Variants in SDK1 observed in about 807,000 individuals in gnomAD.
The protein encoded by SDK1 is sidekick cell adhesion molecule 1.
In SDK1, 157 loss-of-function variants were observed where a neutral mutation model predicts 245.5. That is an observed-to-expected ratio of 0.64 (90% CI 0.56 to 0.73). SDK1 has a LOEUF of 0.73. Ranked by LOEUF, SDK1 falls within the 30% of genes least tolerant of loss-of-function variation. The probability of loss-of-function intolerance (pLI) is 0.00; values close to 1 mark genes in which losing one functional copy is unlikely to be tolerated. For missense variants in SDK1, 3,583 were observed against 3,002.3 expected (o/e 1.19, Z -4.52); for synonymous variants, 1,647 against 1,278.5 (o/e 1.29, Z -6.15).
At chr7:4,106,307 CTTT>C (rs773537615) in intron 22 of SDK1, among the ~76,000 whole-genome samples, 3 of 142,280 alleles carry the variant, frequency 2.1e-5, no homozygotes, top group Non-Finnish European at 3.1e-5. Context: ...TTTTTTCTTT[CTTT>C]TTTTTTTTTT....
In SDK1 at chr7:3,799,686, C is replaced by T. The variant is rs374729120; in HGVS notation, c.714-21764C>T. ...CGCCACTGCACTCCAGCCTGGGCGA[C>T]AGAGTGAGACTCCATCTCAAAAAAA... On this transcript the variant is annotated intron_variant, in intron 4 of 44. Coordinates refer to ENST00000404826, the MANE Select transcript of SDK1 (RefSeq NM_152744.4). Among the ~76,000 whole-genome samples, 8 of 121,530 alleles carry T rather than the reference C, an allele frequency of 6.6e-5. 1 individual carries two copies. The East Asian group carries it at 7.4e-4, about 11-fold the overall frequency. The allele number at this position is 121,530 out of a possible 152,430, so 79.7% of individuals were successfully genotyped here.
chr7:3,698,031 C>T (rs999457535), intron 4 of SDK1, among the ~76,000 whole-genome samples: 1 of 152,164 alleles, frequency 6.6e-6, no homozygotes, highest in Admixed American at 6.5e-5. Flanking sequence ...CCGTTTCTCT[C>T]ATTTAGCTTG....
At chr7:4,109,876 G>T (rs1489910883) in intron 22 of SDK1, among the ~76,000 whole-genome samples, 1 of 152,178 alleles carries the variant, frequency 6.6e-6, no homozygotes, top group African/African-American at 2.4e-5. Context: ...TACTGAGCAG[G>T]GAGATGGTGT....
intron 1 of SDK1, among the ~76,000 whole-genome samples, chr7:3,492,525 A>G (rs1219304120): frequency 2.6e-5 from 4 of 152,210 alleles, no homozygotes; most frequent in African/African-American, 7.2e-5. Context: ...CAACAAAAAA[A>G]CCTGACGGAT....
At chr7:3,346,419 C>T (rs533572821) in intron 1 of SDK1, among the ~76,000 whole-genome samples, 14 of 152,278 alleles carry the variant, frequency 9.2e-5, no homozygotes, top group East Asian at 1.9e-4. Context: ...CTACAACGTA[C>T]GTATGGTCCT....
Position 4,224,653 on chromosome 7 carries a change from C to T in SDK1, c.5827+3289C>T, listed in dbSNP as rs576926156. ...TTTAGTTTATATATCTACAACCATT[C>T]TGAGAAAGTGTCCTTGAGCCAACAG... On this transcript the variant is annotated intron_variant, in intron 40 of 44. Coordinates refer to ENST00000404826, the MANE Select transcript of SDK1 (RefSeq NM_152744.4). Among the ~76,000 whole-genome samples, 46 of 152,128 alleles carry T rather than the reference C, an allele frequency of 3.0e-4. No homozygotes were observed. The South Asian group carries it at 5.4e-3, about 18-fold the overall frequency.
At chr7:3,622,667 C>T (rs1170714340) in intron 2 of SDK1, among the ~76,000 whole-genome samples, 1 of 152,110 alleles carries the variant, frequency 6.6e-6, no homozygotes, top group Non-Finnish European at 1.5e-5. Context: ...TCATTGGAAA[C>T]ACAAGAAGAC....
At chr7:3,999,987 C>T (rs748411127) in intron 14 of SDK1, among the ~76,000 whole-genome samples, 4 of 152,106 alleles carry the variant, frequency 2.6e-5, no homozygotes, top group Non-Finnish European at 5.9e-5. Context: ...GGTGTGAAAG[C>T]AAGTTTTTAG....
intron 7 of SDK1, among the ~76,000 whole-genome samples, chr7:3,956,091 C>A (rs771738481): frequency 1.3e-5 from 2 of 152,164 alleles, no homozygotes; most frequent in Non-Finnish European, 2.9e-5. Flanking sequence ...GTTTCCATCC[C>A]CTGTTTTGTT....
At chr7:3,525,347 G>A (rs1783088173) in intron 1 of SDK1, among the ~76,000 whole-genome samples, 1 of 151,972 alleles carries the variant, frequency 6.6e-6, no homozygotes, top group South Asian at 2.1e-4. Context: ...GACACAGATG[G>A]GGTAGTTTTC....
intron 4 of SDK1, among the ~76,000 whole-genome samples, chr7:3,652,938 A>T (rs1243645259): frequency 2.0e-5 from 3 of 152,190 alleles, no homozygotes; most frequent in Non-Finnish European, 4.4e-5. Flanking sequence ...AGACTGCAGG[A>T]GTCTATTGAC....
At chr7:3,844,048 G>A (rs1333553362) in intron 5 of SDK1, among the ~76,000 whole-genome samples, 1 of 152,124 alleles carries the variant, frequency 6.6e-6, no homozygotes, top group Non-Finnish European at 1.5e-5. Flanking sequence ...TCTACTCACT[G>A]CAACCTCCAC....
rs551404805 is a variant in SDK1, at chr7:4,163,197, G to A, written c.4800+1341G>A. On this transcript the variant is annotated intron_variant, in intron 32 of 44. Transcript: ENST00000404826. ...GTGGGATGGGGCCAGCATGGGGTGG[G>A]TACGGCATGAGGACAGGTCAGCCTG... Among the ~76,000 whole-genome samples the A allele has an allele frequency of 5.3e-5, 8 of 152,230 alleles. No homozygotes were observed. In the East Asian group the frequency reaches 1.2e-3, roughly 22 times the overall value.
chr7:4,265,061 C>G (rs920699908), intron 44 of SDK1, 63 bp from the exon 45 acceptor site: 1 of 1,496,844 alleles, frequency 6.7e-7, no homozygotes, highest in Non-Finnish European at 8.9e-7. Context: ...AGGCCTCCTG[C>G]CCAGCACGCT....
chr7:3,471,983 T>C (rs1234471354), intron 1 of SDK1, among the ~76,000 whole-genome samples: 3 of 152,222 alleles, frequency 2.0e-5, no homozygotes, highest in Non-Finnish European at 4.4e-5. Flanking sequence ...ACTTGAAGGA[T>C]GCATTATAGT....
intron 28 of SDK1, among the ~76,000 whole-genome samples, 190 bp from the exon 29 acceptor site, chr7:4,145,532 G>A (rs1367807429): frequency 6.6e-6 from 1 of 152,114 alleles, no homozygotes. Context: ...AAGCTTCACA[G>A]GGAAATCCAC....
At chr7:4,224,111 C>T (rs1482375933) in intron 40 of SDK1, among the ~76,000 whole-genome samples, 3 of 152,222 alleles carry the variant, frequency 2.0e-5, no homozygotes, top group African/African-American at 4.8e-5. Context: ...CCTGGAGACA[C>T]GAGTTCCCAG....
intron 32 of SDK1, among the ~76,000 whole-genome samples, chr7:4,165,659 T>C (rs1479250276): frequency 2.6e-5 from 4 of 152,028 alleles, no homozygotes; most frequent in African/African-American, 9.7e-5. Context: ...CTGGCTAATT[T>C]TTGTATTTTC....
At chr7:3,755,274 C>G (rs1051521088) in intron 4 of SDK1, among the ~76,000 whole-genome samples, 6 of 152,062 alleles carry the variant, frequency 3.9e-5, no homozygotes, top group Admixed American at 3.3e-4. Flanking sequence ...TCTGATTGGC[C>G]TTGAGTTGGA....
Sources: allele counts gnomAD v4.1 joint callset (sites outside exome capture counted in the v4.1 genomes callset), GRCh38; gene constraint gnomAD v4.1.1; transcripts MANE v1.5; gene names NCBI Gene and HGNC (gene_info 2026-07-23, HGNC 2026-07-21).